CBLB: variants seen among roughly 807,000 people sequenced by gnomAD.
CBLB encodes the protein Cbl proto-oncogene B.
CBLB carries 31 observed loss-of-function variants against 104.9 expected under a neutral mutation model. The ratio of observed to expected loss-of-function variants is 0.30; its 90% CI spans 0.22 to 0.40. The LOEUF is 0.40. CBLB is among the 10% of genes least tolerant of loss of function. The pLI is 1.00. For synonymous variants in CBLB, 440 were observed against 422.6 expected (o/e 1.04, Z -0.51); for missense variants, 1,062 against 1,214.6 (o/e 0.87, Z 1.87).
Position 105,659,097 on chromosome 3 carries a change from C to A in CBLB, c.2822G>T (p.Gly941Val), listed in dbSNP as rs1157293013. 6.2e-7 allele frequency: 1 copy of A among 1,614,036 alleles called. No homozygotes were observed. The highest frequency in any genetic ancestry group is 1.7e-5 in the Admixed American group (1 of 60,000). The change falls in exon 19 of 19, where the codon GGA becomes GTA. Residue 941 changes from glycine to valine, a missense_variant. By Grantham distance (109) the Gly-to-Val change is moderately radical. Around this residue, in one of 2 missense-constraint regions of CBLB, gnomAD observed 605 missense variants for 582.6 expected, o/e 1.04. Transcript: ENST00000394030. ...CACCTCTTCAAAGGCATAACCCTCT[C>A]CCATGAGTTTTGCAATTTTTGCATC... ...NVDAKIAKLM[G>V]EGYAFEEVKR...
rs539134628 is a variant in CBLB at position 105,745,715 on chromosome 3, CTT to C, written c.845+200_845+201del. Among the ~76,000 whole-genome samples the C allele has an allele frequency of 5.3e-3, 811 of 152,254 alleles. 9 individuals carry two copies. Among genetic ancestry groups the C allele is most frequent in the African/African-American group, 0.019 (770 of 41,556 alleles). ...AGAAAGGAGACCATATCCCCTTTCA[CTT>C]TATGAATACCAAGTTTCAGAGTAAG... is the stretch of plus-strand genomic sequence containing the variant. On this transcript the variant is annotated intron_variant, in intron 6 of 18. Transcript: ENST00000394030.
At chr3:105,715,218 T>C (rs952235482) in intron 10 of CBLB, among the ~76,000 whole-genome samples, 2 of 152,182 alleles carry the variant, frequency 1.3e-5, no homozygotes, top group East Asian at 3.9e-4. Flanking sequence ...TCCTGGACTT[T>C]GTCTGAGGGC....
chr3:105,811,994 C>T (rs578191539), intron 3 of CBLB, among the ~76,000 whole-genome samples: 3 of 152,108 alleles, frequency 2.0e-5, no homozygotes, highest in Non-Finnish European at 4.4e-5. Flanking sequence ...TGAGCCACCG[C>T]ACCTGGCCCC....
At chr3:105,719,285 G>A (rs137992715) in intron 10 of CBLB, among the ~76,000 whole-genome samples, 23 of 152,266 alleles carry the variant, frequency 1.5e-4, no homozygotes, top group African/African-American at 4.8e-4. Flanking sequence ...TATTGCCAGT[G>A]TTAGATGACG....
chr3:105,741,297 T>C (rs1375304647), intron 6 of CBLB, among the ~76,000 whole-genome samples: 1 of 152,144 alleles, frequency 6.6e-6, no homozygotes, highest in East Asian at 1.9e-4. Flanking sequence ...CAAGCGATTC[T>C]CCTGCCTCAG....
Position 105,867,400 on chromosome 3 carries a change from CAG to C in CBLB, c.168+8_168+9del. 2.5e-6 allele frequency: 4 copies of C among 1,614,004 alleles called. No individual in the cohort carries two copies. Among genetic ancestry groups the C allele is most frequent in the Non-Finnish European group, 3.4e-6 (4 of 1,179,854 alleles). On this transcript the variant is annotated splice_region_variant and intron_variant, in intron 2 of 18. Transcript: ENST00000394030. ...AGTGTTTCGCACAGGCAACGTCAGA[CAG>C]AACTTACCACTTTGTCCATGAGCTT...
At chr3:105,744,509 C>T (rs1387685763) in intron 6 of CBLB, among the ~76,000 whole-genome samples, 1 of 152,056 alleles carries the variant, frequency 6.6e-6, no homozygotes, top group Non-Finnish European at 1.5e-5. Context: ...TCAGTGGAAG[C>T]CAAACTGTTT....
chr3:105,867,875 T>C (rs1170713614), intron 1 of CBLB, among the ~76,000 whole-genome samples: 1 of 123,048 alleles, frequency 8.1e-6, no homozygotes, highest in Non-Finnish European at 1.7e-5. Context: ...AATACTCAAC[T>C]CATAAAAAAA....
intron 3 of CBLB, among the ~76,000 whole-genome samples, chr3:105,837,769 TTTC>T (rs1465520998): frequency 6.6e-6 from 1 of 152,180 alleles, no homozygotes. Flanking sequence ...TTATAAGCAT[TTTC>T]TTTTCTTCTA....
rs997752296 is a variant in CBLB, at chr3:105,734,697, T to C, written c.1072-557A>G. On this transcript the variant is annotated intron_variant, in intron 8 of 18. Transcript: ENST00000394030. ...TTCATCTCCAAAGCACAAGAAGATATATTGAACTTAACAAAAGTTAGGCCT... is the reference window on the plus strand; with the variant it reads ...TTCATCTCCAAAGCACAAGAAGATACATTGAACTTAACAAAAGTTAGGCCT... 3.9e-5 allele frequency among the ~76,000 whole-genome samples: 6 copies of C among 152,210 alleles called. 1 individual carries two copies. Among genetic ancestry groups the C allele is most frequent in the African/African-American group, 7.2e-5 (3 of 41,458 alleles).
intron 2 of CBLB, among the ~76,000 whole-genome samples, chr3:105,863,932 G>A (rs1196180573): frequency 1.3e-5 from 2 of 152,118 alleles, no homozygotes; most frequent in African/African-American, 4.8e-5. Flanking sequence ...ATGGAAAATT[G>A]TTTCTTCTAT....
At chr3:105,673,546 T>C (rs1311582764) in intron 17 of CBLB, 2 of 152,176 alleles carry the variant, frequency 1.3e-5, no homozygotes, top group Non-Finnish European at 2.9e-5. Flanking sequence ...TAATAGAGTA[T>C]ATCAAAGCAG....
intron 13 of CBLB, among the ~76,000 whole-genome samples, chr3:105,690,555 G>A (rs2067548925): frequency 6.6e-6 from 1 of 152,184 alleles, no homozygotes; most frequent in African/African-American, 2.4e-5. Context: ...TGGGCATGGT[G>A]GCTCACGCCT....
At chr3:105,865,412 C>T (rs1268056312) in intron 2 of CBLB, among the ~76,000 whole-genome samples, 1 of 152,112 alleles carries the variant, frequency 6.6e-6, no homozygotes, top group Admixed American at 6.5e-5. Context: ...AGGCAATGTA[C>T]ATTTGCCAAC....
intron 3 of CBLB, among the ~76,000 whole-genome samples, chr3:105,777,043 T>C (rs910064751): frequency 1.3e-5 from 2 of 152,162 alleles, no homozygotes; most frequent in Non-Finnish European, 2.9e-5. Context: ...AGAAACAGCA[T>C]GTACAAAAGT....
At chr3:105,802,345 C>T (rs989658991) in intron 3 of CBLB, among the ~76,000 whole-genome samples, 8 of 152,194 alleles carry the variant, frequency 5.3e-5, no homozygotes, top group Admixed American at 4.6e-4. Context: ...AAATCGCTCA[C>T]ATGCTTATGT....
chr3:105,836,643 A>G (rs534026046), intron 3 of CBLB, among the ~76,000 whole-genome samples: 1 of 152,306 alleles, frequency 6.6e-6, no homozygotes, highest in African/African-American at 2.4e-5. Context: ...GGTTTCTTAC[A>G]TGAAGGGATC....
chr3:105,783,190 A>G (rs1016978255), intron 3 of CBLB, among the ~76,000 whole-genome samples: 8 of 152,226 alleles, frequency 5.3e-5, no homozygotes, highest in African/African-American at 1.9e-4. Context: ...GTTTAAAGAT[A>G]AAGAAAAGGT....
intron 13 of CBLB, among the ~76,000 whole-genome samples, chr3:105,692,852 C>T (rs2067879091): frequency 6.7e-6 from 1 of 148,842 alleles, no homozygotes; most frequent in Non-Finnish European, 1.5e-5. Flanking sequence ...CCTGGTTTAA[C>T]TTGGGAAGAT....
Sources: allele counts gnomAD v4.1 joint callset (sites outside exome capture counted in the v4.1 genomes callset), GRCh38; gene constraint gnomAD v4.1.1; regional missense constraint gnomAD v4.1.1; transcripts MANE v1.5; gene names NCBI Gene and HGNC (gene_info 2026-07-23, HGNC 2026-07-21).